The following TRIM2 variants were observed in gnomAD, a reference collection of about 807,000 sequenced individuals.
TRIM2 encodes tripartite motif-containing protein 2.
TRIM2 carries 20 observed loss-of-function variants against 75.2 expected under a neutral mutation model. That is an observed-to-expected ratio of 0.27 (90% CI 0.19 to 0.39). TRIM2 has a LOEUF of 0.39. TRIM2 is among the 10% of genes least tolerant of loss of function. The probability of loss-of-function intolerance (pLI) is 1.00; values close to 1 mark genes in which losing one functional copy is unlikely to be tolerated. For missense variants in TRIM2, 660 were observed against 990.8 expected (o/e 0.67, Z 4.48); for synonymous variants, 373 against 388.3 (o/e 0.96, Z 0.46).
chr4:153,310,144 G>A (rs1392196999), intron 6 of TRIM2: 5 of 151,948 alleles, frequency 3.3e-5, no homozygotes, highest in African/African-American at 1.2e-4. Context: ...TTTAATTATG[G>A]AATTATAGAA....
At chr4:153,199,321 G>A (rs1035887721) in intron 1 of TRIM2, among the ~76,000 whole-genome samples, 3 of 152,146 alleles carry the variant, frequency 2.0e-5, no homozygotes, top group African/African-American at 7.2e-5. Context: ...GTCCTTCCCA[G>A]ATAAAAACTT....
intron 1 of TRIM2, among the ~76,000 whole-genome samples, chr4:153,237,429 C>G (rs1013673269): frequency 2.0e-5 from 3 of 151,856 alleles, no homozygotes; most frequent in African/African-American, 7.3e-5. Context: ...GCCTATAATC[C>G]CAGCACTTTG....
At chr4:153,299,972 C>T (rs1032190903) in intron 6 of TRIM2, among the ~76,000 whole-genome samples, 8 of 152,182 alleles carry the variant, frequency 5.3e-5, no homozygotes, top group African/African-American at 1.9e-4. Flanking sequence ...CAGGTGTGCT[C>T]TCACCATTAC....
At chr4:153,153,133 C>T (rs895255343) in exon 1 of TRIM2, 2 of 152,292 alleles carry the variant, frequency 1.3e-5, no homozygotes, top group African/African-American at 2.4e-5. Context: ...TTTGAGTGAG[C>T]TTGCAGAAAA....
intron 1 of TRIM2, among the ~76,000 whole-genome samples, chr4:153,174,019 A>G (rs1442807213): frequency 1.5e-5 from 2 of 134,536 alleles, no homozygotes; most frequent in Non-Finnish European, 3.2e-5. Context: ...TGCAAGCAAC[A>G]CATTCTCAAG....
intron 1 of TRIM2, among the ~76,000 whole-genome samples, chr4:153,162,336 T>C (rs1729818477): frequency 6.6e-6 from 1 of 152,186 alleles, no homozygotes; most frequent in Admixed American, 6.5e-5. Context: ...AAGTCCAATC[T>C]GTAGGATGGG....
At chr4:153,192,194 G>A (rs1308745562) in intron 1 of TRIM2, among the ~76,000 whole-genome samples, 1 of 152,182 alleles carries the variant, frequency 6.6e-6, no homozygotes, top group Non-Finnish European at 1.5e-5. Context: ...AGGCCAACTT[G>A]TTGCATTTGA....
At chr4:153,291,751 A>T (rs972498097) in intron 3 of TRIM2, among the ~76,000 whole-genome samples, 4 of 152,174 alleles carry the variant, frequency 2.6e-5, no homozygotes, top group African/African-American at 9.7e-5. Flanking sequence ...TGATGTCATC[A>T]TCATCATCAT....
chr4:153,297,953 C>A (rs1373085493), intron 6 of TRIM2, among the ~76,000 whole-genome samples: 1 of 151,990 alleles, frequency 6.6e-6, no homozygotes, highest in Non-Finnish European at 1.5e-5. Context: ...TCTTGTTATT[C>A]ATCATCATCA....
upstream of TRIM2, chr4:153,204,400 C>T (rs1337670071): frequency 9.7e-7 from 1 of 1,035,032 alleles, no homozygotes; most frequent in Non-Finnish European, 1.5e-6. Context: ...TTGGCTTGTG[C>T]TGACTAGCTG....
At chr4:153,274,501 A>T (rs1757584230) in intron 2 of TRIM2, among the ~76,000 whole-genome samples, 1 of 152,246 alleles carries the variant, frequency 6.6e-6, no homozygotes, top group Non-Finnish European at 1.5e-5. Context: ...GACCTGCAAG[A>T]CATCTAAGAA....
At chr4:153,280,356 T>G (rs1759019824) in intron 3 of TRIM2, among the ~76,000 whole-genome samples, 1 of 150,790 alleles carries the variant, frequency 6.6e-6, no homozygotes, top group African/African-American at 2.4e-5. Flanking sequence ...GGCTGTAAAA[T>G]TATTAATTAA....
At chr4:153,212,052 A>G (rs1347787455) in intron 1 of TRIM2, among the ~76,000 whole-genome samples, 2 of 152,162 alleles carry the variant, frequency 1.3e-5, no homozygotes, top group African/African-American at 2.4e-5. Flanking sequence ...TTCTGGCGGT[A>G]GGCTACATTT....
chr4:153,193,394 G>A (rs10031711), intron 1 of TRIM2, among the ~76,000 whole-genome samples: 3 of 152,160 alleles, frequency 2.0e-5, no homozygotes, highest in Non-Finnish European at 4.4e-5. Context: ...TCCTCCCAAA[G>A]TGCTGGGATT....
At chr4:153,153,399 C>T (rs1489093533) in intron 1 of TRIM2, 2 of 151,704 alleles carry the variant, frequency 1.3e-5, no homozygotes, top group African/African-American at 4.8e-5. Context: ...GGGAGGGCCC[C>T]GAGACGCGCG....
chr4:153,208,806 G>T (rs1442755120), intron 1 of TRIM2, among the ~76,000 whole-genome samples: 1 of 152,106 alleles, frequency 6.6e-6, no homozygotes, highest in Non-Finnish European at 1.5e-5. Flanking sequence ...CCCGATGGAG[G>T]TTTCTAGATG....
At chr4:153,173,687 G>T (rs936627015) in intron 1 of TRIM2, among the ~76,000 whole-genome samples, 2 of 146,808 alleles carry the variant, frequency 1.4e-5, no homozygotes, top group Non-Finnish European at 3.0e-5. Context: ...TAATAATAAG[G>T]CCGGACGTGG....
At chr4:153,241,110 T>C (rs895466071) in intron 1 of TRIM2, among the ~76,000 whole-genome samples, 3 of 152,210 alleles carry the variant, frequency 2.0e-5, no homozygotes, top group Admixed American at 6.5e-5. Flanking sequence ...CCTTTTCCTG[T>C]AGAGTATGTG....
At chr4:153,272,513 A>G (rs964531744) in intron 2 of TRIM2, among the ~76,000 whole-genome samples, 5 of 149,514 alleles carry the variant, frequency 3.3e-5, no homozygotes, top group Admixed American at 3.3e-4. Context: ...TTGAGACAGG[A>G]TCTCACTCTG....
Sources: gnomAD v4.1 joint callset for allele counts (sites outside exome capture counted in the v4.1 genomes callset) on GRCh38, gnomAD v4.1.1 for gene constraint, MANE v1.5 for transcripts, NCBI Gene and HGNC (gene_info 2026-07-23, HGNC 2026-07-21) for gene names.